The following ITSN1 variants were observed in gnomAD, a reference collection of about 807,000 sequenced individuals.
ITSN1 encodes the protein intersectin 1.
Under a neutral mutation model 239.8 loss-of-function variants are expected in ITSN1, and 58 were observed. That is an observed-to-expected ratio of 0.24 (90% CI 0.20 to 0.30). The LOEUF (loss-of-function observed/expected upper bound fraction) is 0.30, where lower values mean the gene tolerates loss of function less well. Ranked by LOEUF, ITSN1 falls within the 10% of genes least tolerant of loss-of-function variation. The probability of loss-of-function intolerance (pLI) is 1.00; values close to 1 mark genes in which losing one functional copy is unlikely to be tolerated. For synonymous variants in ITSN1, 780 were observed against 770.8 expected (o/e 1.01, Z -0.20); for missense variants, 1,558 against 2,103.3 (o/e 0.74, Z 5.07).
At chr21:33,884,688 G>A (rs1985493533) in intron 36 of ITSN1, among the ~76,000 whole-genome samples, 1 of 152,198 alleles carries the variant, frequency 6.6e-6, no homozygotes, top group South Asian at 2.1e-4. Context: ...TTTCATAAGC[G>A]AGATCCTTCT....
chr21:33,844,338 A>G (rs1602568327), intron 29 of ITSN1, among the ~76,000 whole-genome samples: 1 of 152,216 alleles, frequency 6.6e-6, no homozygotes, highest in African/African-American at 2.4e-5. Context: ...TGGAATGTGC[A>G]GGGCTTTTAA....
At chr21:33,759,976 G>A (rs1343989330) in intron 8 of ITSN1, among the ~76,000 whole-genome samples, 2 of 152,042 alleles carry the variant, frequency 1.3e-5, no homozygotes, top group African/African-American at 4.8e-5. Context: ...GGTGGCGCAT[G>A]CCTGTAGTCC....
In ITSN1 at chr21:33,896,600, CT is replaced by C. The variant is rs1179102303; in HGVS notation, c.*8301del. The C allele has an allele frequency of 1.3e-5, 2 of 152,260 alleles. No homozygotes were observed. The highest frequency in any genetic ancestry group is 2.9e-5 in the Non-Finnish European group (2 of 68,070). The allele number at this position is 152,260 out of a possible 1,614,324, so 9.4% of individuals were successfully genotyped here. A position where few individuals can be genotyped will look rare whatever the true frequency, so the allele number is the denominator to read the frequency against. On this transcript the variant is annotated 3_prime_UTR_variant, in exon 40 of 40. Transcript: ENST00000381318. Reference sequence around the variant, plus strand: ...GAGGCTGCGACCTCCCAGCTAGACTCTCCCCTTAGGATCCCATGTATGGGGA... The same window carrying C: ...GAGGCTGCGACCTCCCAGCTAGACTCCCCCTTAGGATCCCATGTATGGGGA...
chr21:33,819,111 A>G, intron 23 of ITSN1, 130 bp from the exon 24 acceptor site: 1 of 645,308 alleles, frequency 1.5e-6, no homozygotes, highest in African/African-American at 1.8e-5. Context: ...AACCTAGCTA[A>G]GTACAACTAT....
intron 29 of ITSN1, chr21:33,838,053 T>C: frequency 2.0e-6 from 2 of 985,806 alleles, no homozygotes; most frequent in Non-Finnish European, 2.4e-6. Context: ...ATTTTTTAAC[T>C]AGACTGTGGA....
At chr21:33,876,857 G>A (rs1001927548) in intron 34 of ITSN1, among the ~76,000 whole-genome samples, 1 of 152,090 alleles carries the variant, frequency 6.6e-6, no homozygotes, top group African/African-American at 2.4e-5. Flanking sequence ...GGGCAACAGA[G>A]CAGAATGTGT....
intron 16 of ITSN1, among the ~76,000 whole-genome samples, chr21:33,788,121 T>C (rs1441602331): frequency 6.6e-6 from 1 of 152,188 alleles, no homozygotes; most frequent in Non-Finnish European, 1.5e-5. Flanking sequence ...AGCAGACACT[T>C]TGAGGGAAAT....
At chr21:33,813,860 G>C in intron 21 of ITSN1, 53 bp from the exon 22 acceptor site, 3 of 1,446,370 alleles carry the variant, frequency 2.1e-6, no homozygotes, top group Non-Finnish European at 2.8e-6. Flanking sequence ...TGGGTAAAAA[G>C]CTGGTATATT....
chr21:33,880,373 G>A (rs112061699), intron 34 of ITSN1, among the ~76,000 whole-genome samples: 5 of 152,164 alleles, frequency 3.3e-5, no homozygotes, highest in South Asian at 4.1e-4. Flanking sequence ...GATTATTTGC[G>A]CCCACGTGGC....
chr21:33,650,030 G>GAAAA (rs1165691619), intron 1 of ITSN1, among the ~76,000 whole-genome samples: 7 of 89,878 alleles, frequency 7.8e-5, no homozygotes, highest in Admixed American at 3.7e-4. Context: ...CTCTGTCTCA[G>GAAAA]AAAAAAAAAA....
chr21:33,651,341 G>T (rs1184007097), intron 1 of ITSN1, among the ~76,000 whole-genome samples: 1 of 152,214 alleles, frequency 6.6e-6, no homozygotes, highest in Non-Finnish European at 1.5e-5. Context: ...TGTGGGAGTG[G>T]ATTGGAGGAT....
At chr21:33,670,955 G>A (rs926920436) in intron 1 of ITSN1, among the ~76,000 whole-genome samples, 5 of 152,202 alleles carry the variant, frequency 3.3e-5, no homozygotes, top group African/African-American at 1.2e-4. Flanking sequence ...GATTTATGTG[G>A]TAATTATATT....
chr21:33,882,304 A>G lies in ITSN1; in HGVS notation c.4403A>G (p.Lys1468Arg). The change falls in exon 35 of 40, where the codon AAG (lysine) becomes AGG (arginine). Residue 1468 changes from lysine (K) to arginine (R), a missense_variant. Coordinates refer to ENST00000381318, the MANE Select transcript of ITSN1 (RefSeq NM_003024.3). This position sits in a 1 kb window ranked among gnomAD's most constrained non-coding sequence, Gnocchi z 4.5. ...LGPRKFLHSG[K>R]LYKAKSNKEL... ...CCGCGCAAATTTCTGCACAGTGGGAAGCTCTACAAGGCCAAGAGCAACAAG... is the reference window on the plus strand; with the variant it reads ...CCGCGCAAATTTCTGCACAGTGGGAGGCTCTACAAGGCCAAGAGCAACAAG... 2 of 1,614,196 alleles carry G rather than the reference A, an allele frequency of 1.2e-6. No homozygotes were observed. Among genetic ancestry groups the G allele is most frequent in the Non-Finnish European group, 1.7e-6 (2 of 1,180,032 alleles).
intron 5 of ITSN1, among the ~76,000 whole-genome samples, chr21:33,743,295 G>A (rs1318622782): frequency 2.0e-5 from 3 of 152,140 alleles, no homozygotes; most frequent in Non-Finnish European, 2.9e-5. Flanking sequence ...GCAAAACCCC[G>A]TCTGTACTAA....
intron 27 of ITSN1, 124 bp downstream of exon 27, chr21:33,829,869 A>G (rs958621525): frequency 2.6e-6 from 3 of 1,139,464 alleles, no homozygotes; most frequent in African/African-American, 3.1e-5. Context: ...GTATTTGGAT[A>G]GTGAGAGATG....
chr21:33,647,854 C>G (rs1445736967), intron 1 of ITSN1, among the ~76,000 whole-genome samples: 1 of 152,198 alleles, frequency 6.6e-6, no homozygotes, highest in Non-Finnish European at 1.5e-5. Context: ...GTTTATTTTT[C>G]CTCCACGGTT....
chr21:33,668,797 G>C (rs956370857), intron 1 of ITSN1, among the ~76,000 whole-genome samples: 13 of 152,228 alleles, frequency 8.5e-5, no homozygotes, highest in Non-Finnish European at 1.8e-4. Flanking sequence ...AGCCTTGCAG[G>C]TCAGTGACCC....
intron 1 of ITSN1, among the ~76,000 whole-genome samples, chr21:33,672,780 C>T (rs1221488659): frequency 2.0e-5 from 3 of 151,532 alleles, no homozygotes; most frequent in Admixed American, 6.6e-5. Context: ...GGCGCAAACT[C>T]GGCTCACTGC....
intron 1 of ITSN1, among the ~76,000 whole-genome samples, chr21:33,650,015 C>T (rs905413434): frequency 1.4e-5 from 2 of 143,374 alleles, no homozygotes; most frequent in East Asian, 2.0e-4. Flanking sequence ...GGCGACAGAG[C>T]GAGACTCTGT....
Sources: gnomAD v4.1 joint callset for allele counts (sites outside exome capture counted in the v4.1 genomes callset) on GRCh38, gnomAD v4.1.1 for gene constraint, Gnocchi (gnomAD v3.1) non-coding constraint, MANE v1.5 for transcripts, NCBI Gene and HGNC (gene_info 2026-07-23, HGNC 2026-07-21) for gene names.